The following WDR64 variants were observed in gnomAD, a reference collection of about 807,000 sequenced individuals.
WDR64 encodes WD repeat domain 64, also known as WD repeat-containing protein 64.
A neutral mutation model predicts 139.3 loss-of-function variants in WDR64; 112 were observed. The observed-to-expected ratio is 0.80, with a 90% CI of 0.69 to 0.94. The LOEUF is 0.94. Among genes scored for constraint, WDR64 ranks in the 40% least tolerant of loss-of-function variants. The pLI is 0.00. For synonymous variants in WDR64, 444 were observed against 437.7 expected (o/e 1.01, Z -0.18); for missense variants, 1,206 against 1,293.1 (o/e 0.93, Z 1.03).
chr1:241,745,023 C>A (rs576046379), intron 13 of WDR64, among the ~76,000 whole-genome samples: 1 of 152,208 alleles, frequency 6.6e-6, no homozygotes, highest in Non-Finnish European at 1.5e-5. Context: ...TGAGAGGATG[C>A]CAGGCCCAGG....
intron 3 of WDR64, among the ~76,000 whole-genome samples, chr1:241,674,261 C>CTTTTT (rs553930996): frequency 1.5e-5 from 2 of 133,568 alleles, no homozygotes; most frequent in Non-Finnish European, 3.1e-5. Context: ...TTTTTCTTTT[C>CTTTTT]TTTTTTTTTT....
intron 15 of WDR64, among the ~76,000 whole-genome samples, chr1:241,759,811 A>G (rs12080931): frequency 0.15 from 22,932 of 152,102 alleles, 1,929 homozygotes; most frequent in African/African-American, 0.19. Flanking sequence ...AACCTTCATC[A>G]CCATCCATCT....
chr1:241,687,731 G>T (rs1035752414), intron 8 of WDR64, 136 bp downstream of exon 8: 1 of 926,368 alleles, frequency 1.1e-6, no homozygotes, highest in East Asian at 2.6e-5. Flanking sequence ...GTTTGGGAAG[G>T]TTAATTAGAT....
chr1:241,708,644 C>T (rs1391415485), intron 8 of WDR64, among the ~76,000 whole-genome samples: 1 of 148,852 alleles, frequency 6.7e-6, no homozygotes, highest in African/African-American at 2.5e-5. Context: ...ACATTTATGA[C>T]TCCACCCTTG....
chr1:241,799,596 T>C (rs1659466697), intron 27 of WDR64, among the ~76,000 whole-genome samples: 1 of 152,190 alleles, frequency 6.6e-6, no homozygotes. Flanking sequence ...CATCCTCCTG[T>C]TACAGTTAAG....
At chr1:241,672,942 G>A (rs565216032) in intron 3 of WDR64, among the ~76,000 whole-genome samples, 1 of 152,156 alleles carries the variant, frequency 6.6e-6, no homozygotes, top group Non-Finnish European at 1.5e-5. Context: ...CTACAAGGGG[G>A]CTGTGGATAG....
intron 23 of WDR64, among the ~76,000 whole-genome samples, chr1:241,785,142 C>T (rs1036754715): frequency 5.3e-5 from 8 of 152,102 alleles, no homozygotes; most frequent in Non-Finnish European, 1.2e-4. Flanking sequence ...CAGACGCACA[C>T]ACATGGCACA....
intron 10 of WDR64, among the ~76,000 whole-genome samples, chr1:241,725,431 C>T (rs71648657): frequency 1.3e-5 from 2 of 151,856 alleles, no homozygotes; most frequent in Admixed American, 6.6e-5. Flanking sequence ...CCTCCCTCCT[C>T]GTACACCCCC....
intron 2 of WDR64, among the ~76,000 whole-genome samples, chr1:241,667,798 T>C (rs958880970): frequency 6.6e-6 from 1 of 152,164 alleles, no homozygotes; most frequent in Non-Finnish European, 1.5e-5. Context: ...ATTAGGAAAA[T>C]GAGAGCCATA....
At chr1:241,698,350 G>A (rs1178883953) in intron 8 of WDR64, among the ~76,000 whole-genome samples, 1 of 151,940 alleles carries the variant, frequency 6.6e-6, no homozygotes, top group Admixed American at 6.6e-5. Context: ...CATCTGTCCT[G>A]TCTTCTTTAT....
In WDR64 at chr1:241,783,365, A is replaced by G. The variant is rs1311423134; in HGVS notation, c.2689A>G (p.Ile897Val). 1 of 1,613,628 alleles carries G rather than the reference A, an allele frequency of 6.2e-7. No homozygotes were observed. The highest frequency in any genetic ancestry group is 8.5e-7 in the Non-Finnish European group (1 of 1,179,602). ...AAAACAAGTGGTACTTACTGCCTCC[A>G]TCGATGGCTCAGTAAGGTAGGCCAA... ...EEKQVVLTAS[I>V]DGSVRLWHAL... The change falls in exon 23 of 28, where the codon ATC (isoleucine) becomes GTC (valine). Residue 897 changes from isoleucine to valine, a missense_variant. Ile to Val is a conservative substitution (Grantham distance 29, BLOSUM62 3). Transcript: ENST00000437684.
At chr1:241,753,152 C>G (rs1670041747) in intron 14 of WDR64, among the ~76,000 whole-genome samples, 1 of 152,128 alleles carries the variant, frequency 6.6e-6, no homozygotes, top group African/African-American at 2.4e-5. Context: ...CTAGCTAAAG[C>G]CCTCATTTTG....
At chr1:241,761,476 A>ATT (rs55928833) in intron 15 of WDR64, among the ~76,000 whole-genome samples, 1 of 151,620 alleles carries the variant, frequency 6.6e-6, no homozygotes, top group East Asian at 1.9e-4. Context: ...ATTTGTTCAT[A>ATT]TTTTTTGTCA....
intron 2 of WDR64, among the ~76,000 whole-genome samples, chr1:241,670,789 G>T (rs866237655): frequency 6.6e-6 from 1 of 152,114 alleles, no homozygotes; most frequent in Non-Finnish European, 1.5e-5. Flanking sequence ...CTCCTTATGA[G>T]AATCTAGTGC....
At chr1:241,784,954 A>AT (rs1658983880) in intron 23 of WDR64, among the ~76,000 whole-genome samples, 1 of 9,384 alleles carries the variant, frequency 1.1e-4, no homozygotes, top group Non-Finnish European at 3.0e-4. Flanking sequence ...ACTCTGTCTG[A>AT]AAAAAAAAAA....
chr1:241,713,769 C>T (rs1239261143), intron 9 of WDR64, among the ~76,000 whole-genome samples: 1 of 152,058 alleles, frequency 6.6e-6, no homozygotes, highest in Non-Finnish European at 1.5e-5. Context: ...TGGAGAGGGT[C>T]TGAATTACTG....
At chr1:241,777,794 C>T (rs907892172) in intron 21 of WDR64, among the ~76,000 whole-genome samples, 3 of 152,140 alleles carry the variant, frequency 2.0e-5, no homozygotes, top group Admixed American at 6.6e-5. Context: ...TATAAATATT[C>T]TACCTAATCT....
intron 26 of WDR64, 23 bp from the exon 27 acceptor site, chr1:241,796,234 A>G (rs1659360045): frequency 6.4e-7 from 1 of 1,566,618 alleles, no homozygotes; most frequent in African/African-American, 1.4e-5. Flanking sequence ...AGTGTGTCTC[A>G]CTGACTAATT....
chr1:241,769,958 G>A (rs2148298119), intron 17 of WDR64, among the ~76,000 whole-genome samples: 1 of 152,158 alleles, frequency 6.6e-6, no homozygotes, highest in Admixed American at 6.5e-5. Context: ...AAAGAGCAAG[G>A]GATTTAAGAA....
Sources: gnomAD v4.1 joint callset for allele counts (sites outside exome capture counted in the v4.1 genomes callset) on GRCh38, gnomAD v4.1.1 for gene constraint, MANE v1.5 for transcripts, NCBI Gene and HGNC (gene_info 2026-07-23, HGNC 2026-07-21) for gene names.